The following GOLGA3 variants were observed in gnomAD, a reference collection of about 807,000 sequenced individuals.
GOLGA3 encodes golgin subfamily A member 3.
In GOLGA3, 75 loss-of-function variants were observed where a neutral mutation model predicts 169.4. The ratio of observed to expected loss-of-function variants is 0.44; its 90% CI spans 0.37 to 0.54. GOLGA3 has a LOEUF of 0.54. GOLGA3 is among the 20% of genes least tolerant of loss of function. GOLGA3 has a pLI of 0.00. For synonymous variants in GOLGA3, 824 were observed against 822.4 expected, an observed-to-expected ratio of 1.00 and a Z score of -0.03; for missense variants, 1,899 against 1,930.0, an observed-to-expected ratio of 0.98 and a Z score of 0.30.
Position 132,789,112 on chromosome 12 carries a change from G to A in GOLGA3, c.2726C>T (p.Ala909Val), listed in dbSNP as rs1375130471. 8 of 1,613,236 alleles carry A rather than the reference G, an allele frequency of 5.0e-6. No individual in the cohort carries two copies. The highest frequency in any genetic ancestry group is 5.1e-6 in the Non-Finnish European group (6 of 1,179,966). Residue 909 changes from alanine (A) to valine (V), a missense_variant, in exon 13 of 24, where the codon GCC (alanine) becomes GTC (valine). Ala to Val is a moderately conservative substitution (Grantham distance 64). Coordinates refer to ENST00000450791, the MANE Select transcript of GOLGA3 (RefSeq NM_001389683.1). Reference protein sequence around the residue: ...AELSRLHREVAQVRQHMADLE... With the variant: ...AELSRLHREVVQVRQHMADLE... ...GTCCGCCATGTGCTGACGGACCTGG[G>A]CCACCTCTCTGTGCAGGCGCGAGAG...
chr12:132,774,211 G>T lies in GOLGA3; in HGVS notation c.4253C>A (p.Pro1418His). ...SLLEELLRPPPAVSKEPLKNL... is the reference protein window; with the variant it reads ...SLLEELLRPPHAVSKEPLKNL... Reference sequence around the variant, plus strand: ...CTTGAGGGGCTCCTTGCTCACGGCGGGCGGTGGTCTCAGCAGCTCCTCCAG... The same window carrying T: ...CTTGAGGGGCTCCTTGCTCACGGCGTGCGGTGGTCTCAGCAGCTCCTCCAG... Residue 1418 changes from proline (P) to histidine (H), a missense_variant, in exon 23 of 24, where the codon CCC (proline) becomes CAC (histidine). By Grantham distance (77) the Pro-to-His change is moderately conservative. Coordinates refer to ENST00000450791, the MANE Select transcript of GOLGA3 (RefSeq NM_001389683.1). 1.2e-6 allele frequency: 2 copies of T among 1,610,972 alleles called. No individual in the cohort carries two copies. Among genetic ancestry groups the T allele is most frequent in the Non-Finnish European group, 1.7e-6 (2 of 1,178,914 alleles).
Position 132,808,359 on chromosome 12 carries a change from G to C in GOLGA3, c.710C>G (p.Thr237Ser). ...AGACCGGATTTTGCTTGATTTGGAA[G>C]TTTTTTTCTCCCTAGGATGTGCCGG... Reference protein sequence around the residue: ...GLPAHPREKKTSKSSKIRSLA... With the variant: ...GLPAHPREKKSSKSSKIRSLA... Residue 237 changes from threonine (T) to serine (S), a missense_variant, in exon 5 of 24, where the codon ACT (threonine) becomes AGT (serine). By Grantham distance (58) the Thr-to-Ser change is moderately conservative (BLOSUM62 1). Transcript: ENST00000450791. 6.2e-7 allele frequency: 1 copy of C among 1,614,076 alleles called. No individual in the cohort carries two copies. Among genetic ancestry groups the C allele is most frequent in the East Asian group, 2.2e-5 (1 of 44,862 alleles).
chr12:132,809,945 CAT>C (rs1302570186), intron 4 of GOLGA3, among the ~76,000 whole-genome samples: 13 of 151,996 alleles, frequency 8.6e-5, no homozygotes, highest in African/African-American at 1.2e-4. Context: ...TTTGGATAAA[CAT>C]AGAAATTTTC....
chr12:132,806,220 GGATGCAACC>G (rs1272181492), intron 6 of GOLGA3, among the ~76,000 whole-genome samples: 1 of 152,202 alleles, frequency 6.6e-6, no homozygotes, highest in Non-Finnish European at 1.5e-5. Context: ...ATCTTGGTGT[GGATGCAACC>G]GAAGGACCAA....
At chr12:132,782,526 T>G in intron 16 of GOLGA3, 33 bp from the exon 17 acceptor site, 1 of 1,526,762 alleles carries the variant, frequency 6.5e-7, no homozygotes. Context: ...TAAAATTACC[T>G]GCACTGGTGA....
rs202198935 is a variant in GOLGA3 at position 132,786,756 on chromosome 12, G to A, written c.2843C>T (p.Ala948Val). The change falls in exon 14 of 24, where the codon GCG (alanine) becomes GTG (valine). Residue 948 changes from alanine to valine, a missense_variant. Transcript: ENST00000450791. ...CAGCGCCTCATTGGCCTCTGTGACCGCGACCATCTGCTCCTTATCGAACTG... is the reference window on the plus strand; with the variant it reads ...CAGCGCCTCATTGGCCTCTGTGACCACGACCATCTGCTCCTTATCGAACTG... ...SLQFDKEQMVAVTEANEALKK... is the reference protein window; with the variant it reads ...SLQFDKEQMVVVTEANEALKK... 7.7e-5 allele frequency: 124 copies of A among 1,613,026 alleles called. 1 individual carries two copies. The highest frequency in any genetic ancestry group is 7.2e-4 in the Admixed American group (43 of 59,954).
At chr12:132,809,047 C>T (rs972816693) in intron 4 of GOLGA3, among the ~76,000 whole-genome samples, 8 of 152,162 alleles carry the variant, frequency 5.3e-5, no homozygotes, top group Non-Finnish European at 8.8e-5. Context: ...GCAGAAGGGG[C>T]AGGGTAAAGA....
intron 8 of GOLGA3, among the ~76,000 whole-genome samples, chr12:132,798,928 A>G (rs1332191758): frequency 1.3e-5 from 2 of 152,214 alleles, no homozygotes; most frequent in Non-Finnish European, 2.9e-5. Context: ...TCAGCCAGCT[A>G]GGGCCCGGCC....
At chr12:132,828,059 T>C (rs536558737) in intron 1 of GOLGA3, among the ~76,000 whole-genome samples, 1 of 152,298 alleles carries the variant, frequency 6.6e-6, no homozygotes, top group Non-Finnish European at 1.5e-5. Flanking sequence ...GGCCACATCC[T>C]CCGCCCTCAG....
chr12:132,779,658 TTTC>T (rs2045441919), intron 18 of GOLGA3, among the ~76,000 whole-genome samples: 1 of 152,182 alleles, frequency 6.6e-6, no homozygotes, highest in Non-Finnish European at 1.5e-5. Context: ...CAACCAGTTA[TTTC>T]TTGTGTTCCT....
intron 11 of GOLGA3, among the ~76,000 whole-genome samples, chr12:132,794,727 G>A (rs968702281): frequency 6.6e-6 from 1 of 152,138 alleles, no homozygotes; most frequent in African/African-American, 2.4e-5. Context: ...CACAGAATTG[G>A]GACAATTCCT....
chr12:132,774,843 A>G (rs1359610486), intron 22 of GOLGA3: 5 of 496,840 alleles, frequency 1.0e-5, no homozygotes, highest in Admixed American at 3.8e-5. Context: ...CCCGGGCCCC[A>G]GCCCTTCACA....
At chr12:132,797,303 G>A (rs1247187392) in intron 9 of GOLGA3, among the ~76,000 whole-genome samples, 2 of 152,062 alleles carry the variant, frequency 1.3e-5, no homozygotes, top group Admixed American at 6.6e-5. Flanking sequence ...TGGCAAGATC[G>A]GCAACGAGAC....
intron 11 of GOLGA3, among the ~76,000 whole-genome samples, chr12:132,792,460 C>A (rs1159126643): frequency 4.6e-5 from 7 of 152,248 alleles, no homozygotes; most frequent in Non-Finnish European, 8.8e-5. Context: ...GCTGAGGGTG[C>A]TGACCCCAGG....
rs548175623 is a variant in GOLGA3 at position 132,774,087 on chromosome 12, A to C, written c.4307+70T>G. On this transcript the variant is annotated intron_variant, in intron 23 of 23. Transcript: ENST00000450791. Reference sequence around the variant, plus strand: ...CTGGGCACTCAGTACTGGCACCAGGAGTGCCCTCCCAGGTAAGAGGGCATT... The same window carrying C: ...CTGGGCACTCAGTACTGGCACCAGGCGTGCCCTCCCAGGTAAGAGGGCATT... The C allele has an allele frequency of 5.4e-5, 76 of 1,404,968 alleles. No homozygotes were observed. In the African/African-American group the frequency reaches 8.2e-4, roughly 15 times the overall value. The allele number at this position is 1,404,968 out of a possible 1,614,324, so 87.0% of individuals were successfully genotyped here.
chr12:132,795,881 T>G lies in GOLGA3; in HGVS notation c.2440A>C (p.Arg814=), dbSNP rs1243467164. 2 of 1,613,828 alleles carry G rather than the reference T, an allele frequency of 1.2e-6. No homozygotes were observed. The highest frequency in any genetic ancestry group is 2.7e-5 in the African/African-American group (2 of 74,936). ...CCGGATTTGATAGCTAATTCTTCTC[T>G]TAACTTCTCTAAAGTTTCCGACGTT... The part of the protein sequence containing the change: ...EETSETLEKL[R]EELAIKSGQV... Residue 814 remains arginine (R), a synonymous_variant, in exon 11 of 24, where the codon AGA becomes CGA. Transcript: ENST00000450791.
Position 132,784,771 on chromosome 12 carries a change from CCACACCA to C in GOLGA3, c.3124-471_3124-465del, listed in dbSNP as rs529207475. Among the ~76,000 whole-genome samples the C allele has an allele frequency of 1.3e-4, 19 of 141,286 alleles. No individual in the cohort carries two copies. The South Asian group carries it at 3.8e-3, about 28-fold the overall frequency. 92.7% of individuals were successfully genotyped at this position (141,286 alleles called of 152,430 possible). A position where few individuals can be genotyped will look rare whatever the true frequency, so the allele number is the denominator to read the frequency against. ...TGCTCACACCCCACGTGTTCACACC[CCACACCA>C]CACATGCACATGTGCTCACACCTCA... On this transcript the variant is annotated intron_variant, in intron 15 of 23. Transcript: ENST00000450791.
chr12:132,780,436 A>C (rs2045534613), intron 18 of GOLGA3, among the ~76,000 whole-genome samples: 1 of 152,222 alleles, frequency 6.6e-6, no homozygotes, highest in Non-Finnish European at 1.5e-5. Flanking sequence ...AGCTCTCTAC[A>C]CAGAGAAGGG....
chr12:132,784,630 CCA>C (rs1016791295), intron 15 of GOLGA3, among the ~76,000 whole-genome samples: 1 of 152,130 alleles, frequency 6.6e-6, no homozygotes, highest in African/African-American at 2.4e-5. Context: ...GTAATAAATA[CCA>C]CACACATGCT....
Sources: allele counts gnomAD v4.1 joint callset (sites outside exome capture counted in the v4.1 genomes callset), GRCh38; gene constraint gnomAD v4.1.1; transcripts MANE v1.5; gene names NCBI Gene and HGNC (gene_info 2026-07-23, HGNC 2026-07-21).